Variants in ANKRD6 observed in about 807,000 individuals in gnomAD.
ANKRD6 encodes ankyrin repeat domain 6, also known as ankyrin repeat domain-containing protein 6.
In ANKRD6, 56 loss-of-function variants were observed where a neutral mutation model predicts 82.3. The ratio of observed to expected loss-of-function variants is 0.68; its 90% confidence interval spans 0.55 to 0.85. The LOEUF (loss-of-function observed/expected upper bound fraction) is 0.85. Ranked by LOEUF, ANKRD6 falls within the 40% of genes least tolerant of loss-of-function variation. The probability of loss-of-function intolerance (pLI) is 0.00; values close to 1 mark genes in which losing one functional copy is unlikely to be tolerated. For synonymous variants in ANKRD6, 347 were observed against 352.1 expected, an observed-to-expected ratio of 0.99 and a Z score of 0.16; for missense variants, 852 against 907.6, an observed-to-expected ratio of 0.94 and a Z score of 0.79.
At chr6:89,485,013 T>C (rs1371550004) in intron 1 of ANKRD6, among the ~76,000 whole-genome samples, 3 of 152,308 alleles carry the variant, frequency 2.0e-5, no homozygotes, top group Admixed American at 6.5e-5. Context: ...AGTGGGAACA[T>C]GTCAGGTTGC....
chr6:89,455,407 G>T (rs898317300), intron 1 of ANKRD6, among the ~76,000 whole-genome samples: 1 of 151,940 alleles, frequency 6.6e-6, no homozygotes, highest in Non-Finnish European at 1.5e-5. Flanking sequence ...GAGTGGAGGA[G>T]GTGCCATATA....
At chr6:89,472,319 C>T (rs1737852547) in intron 1 of ANKRD6, among the ~76,000 whole-genome samples, 1 of 152,164 alleles carries the variant, frequency 6.6e-6, no homozygotes, top group Non-Finnish European at 1.5e-5. Context: ...GGGGGGCACC[C>T]AATTCAATCC....
At chr6:89,464,653 A>G (rs917265289) in intron 1 of ANKRD6, among the ~76,000 whole-genome samples, 6 of 152,270 alleles carry the variant, frequency 3.9e-5, no homozygotes, top group African/African-American at 1.4e-4. Flanking sequence ...ACTACCTTGT[A>G]ACTTCCTTAG....
chr6:89,560,013 A>G (rs1787164974), intron 1 of ANKRD6, among the ~76,000 whole-genome samples: 2 of 152,334 alleles, frequency 1.3e-5, no homozygotes, highest in South Asian at 4.1e-4. Flanking sequence ...TGGACATTAA[A>G]GGCCATCTGT....
At chr6:89,497,963 T>G (rs1166805114) in intron 1 of ANKRD6, among the ~76,000 whole-genome samples, 5 of 152,194 alleles carry the variant, frequency 3.3e-5, no homozygotes, top group Non-Finnish European at 7.3e-5. Flanking sequence ...ATAAATAGAA[T>G]CAGATAGTAT....
chr6:89,578,788 A>T (rs534198406), intron 2 of ANKRD6, among the ~76,000 whole-genome samples: 100 of 152,320 alleles, frequency 6.6e-4, no homozygotes, highest in African/African-American at 2.3e-3. Context: ...TCGCTGAGAT[A>T]CCAATAAGGA....
intron 1 of ANKRD6, among the ~76,000 whole-genome samples, chr6:89,474,415 C>A (rs1235818639): frequency 6.6e-6 from 1 of 152,194 alleles, no homozygotes; most frequent in Non-Finnish European, 1.5e-5. Context: ...GCATTTCAAT[C>A]TGAGGATATC....
intron 1 of ANKRD6, among the ~76,000 whole-genome samples, chr6:89,504,616 G>T (rs1779639796): frequency 6.6e-6 from 1 of 151,992 alleles, no homozygotes; most frequent in Non-Finnish European, 1.5e-5. Context: ...TATTGACCAG[G>T]CTGGTCTCAA....
intron 1 of ANKRD6, among the ~76,000 whole-genome samples, chr6:89,534,386 CATCTTATGAAA>C (rs1028250291): frequency 2.6e-5 from 4 of 152,218 alleles, no homozygotes; most frequent in Middle Eastern, 6.8e-3. Context: ...AAAGAAAACC[CATCTTATGAAA>C]AAGTTATTTT....
intron 1 of ANKRD6, among the ~76,000 whole-genome samples, chr6:89,477,650 A>G (rs1776208451): frequency 6.6e-6 from 1 of 151,798 alleles, no homozygotes; most frequent in Non-Finnish European, 1.5e-5. Flanking sequence ...GGGTGCCTGT[A>G]GTCCCAGCTA....
intron 1 of ANKRD6, among the ~76,000 whole-genome samples, chr6:89,500,069 C>A (rs1779094090): frequency 6.6e-6 from 1 of 152,104 alleles, no homozygotes; most frequent in Non-Finnish European, 1.5e-5. Context: ...GAGGCCTGGG[C>A]TTGGGGTGAT....
intron 1 of ANKRD6, among the ~76,000 whole-genome samples, chr6:89,539,041 T>C (rs894583360): frequency 3.3e-5 from 5 of 152,194 alleles, no homozygotes; most frequent in African/African-American, 1.2e-4. Context: ...TTTTAATTGT[T>C]CATTAAAAGA....
At chr6:89,618,102 A>G (rs1486039687) in intron 9 of ANKRD6, 71 bp downstream of exon 9, 4 of 1,522,826 alleles carry the variant, frequency 2.6e-6, no homozygotes, top group Admixed American at 3.3e-5. Context: ...CCTGGTTGCA[A>G]TCTACTGAAG....
intron 15 of ANKRD6, 51 bp downstream of exon 15, chr6:89,629,289 C>T (rs759202219): frequency 7.1e-5 from 115 of 1,608,954 alleles, no homozygotes; most frequent in Non-Finnish European, 8.8e-5. Context: ...CGACCAGCAG[C>T]TCTTGTACTC....
At chr6:89,537,207 C>T (rs1042598934) in intron 1 of ANKRD6, among the ~76,000 whole-genome samples, 9 of 152,146 alleles carry the variant, frequency 5.9e-5, no homozygotes, top group African/African-American at 1.7e-4. Context: ...TTTGATTTTA[C>T]AATACAATTT....
At chr6:89,623,012 G>C (rs1054846998) in intron 10 of ANKRD6, among the ~76,000 whole-genome samples, 1 of 130,668 alleles carries the variant, frequency 7.7e-6, no homozygotes, top group African/African-American at 2.7e-5. Flanking sequence ...TGGGGTGGGG[G>C]AGTGGGGGGT....
intron 1 of ANKRD6, among the ~76,000 whole-genome samples, chr6:89,552,259 G>A (rs1467295676): frequency 2.0e-5 from 3 of 152,320 alleles, no homozygotes; most frequent in Admixed American, 1.3e-4. Context: ...ACCTTCCTTA[G>A]GGGTCAGAGT....
rs755973961 is a variant in ANKRD6 at position 89,630,476 on chromosome 6, C to T, written c.1656C>T (p.Ser552=). The change falls in exon 16 of 16, where the codon TCC becomes TCT. Residue 552 remains serine (S), a synonymous_variant. Coordinates refer to ENST00000339746, the MANE Select transcript of ANKRD6 (RefSeq NM_001242809.2). ...LVVTAGPAAA[S]DSSPPVVRPK... is the part of the protein sequence containing the mutation. The stretch of plus-strand genomic sequence containing the variant: ...TGACTGCAGGTCCAGCAGCAGCTTC[C>T]GACAGCTCCCCTCCAGTGGTTAGGC... 18 of 1,613,760 alleles carry T rather than the reference C, an allele frequency of 1.1e-5. No homozygotes were observed. The East Asian group carries it at 1.3e-4, about 12-fold the overall frequency.
chr6:89,590,663 GAGA>G (rs1583535545), intron 2 of ANKRD6, among the ~76,000 whole-genome samples: 1 of 152,172 alleles, frequency 6.6e-6, no homozygotes, highest in Non-Finnish European at 1.5e-5. Context: ...TGCTCTGCCA[GAGA>G]AGAACTTTGC....
Sources: allele counts gnomAD v4.1 joint callset (sites outside exome capture counted in the v4.1 genomes callset), GRCh38; gene constraint gnomAD v4.1.1; transcripts MANE v1.5; gene names NCBI Gene and HGNC (gene_info 2026-07-23, HGNC 2026-07-21).